Variants in RGS6 observed in about 807,000 individuals in gnomAD.
RGS6 encodes regulator of G-protein signaling 6.
A neutral mutation model predicts 78.5 loss-of-function variants in RGS6; 30 were observed. That is an observed-to-expected ratio of 0.38 (90% CI 0.29 to 0.52). RGS6 has a LOEUF of 0.52. Ranked by LOEUF, RGS6 falls within the 20% of genes least tolerant of loss-of-function variation. RGS6 has a pLI of 0.85. For synonymous variants in RGS6, 206 were observed against 206.0 expected (o/e 1.00, Z 0.00); for missense variants, 495 against 609.7 (o/e 0.81, Z 1.98).
the RGS6 span, among the ~76,000 whole-genome samples, chr14:71,872,867 C>T: frequency 6.6e-6 from 1 of 152,188 alleles, no homozygotes; most frequent in Non-Finnish European, 1.5e-5. Context: ...GTTCAATTCC[C>T]ACCTATGAGT....
intron 15 of RGS6, among the ~76,000 whole-genome samples, chr14:72,533,234 A>G (rs2097204438): frequency 6.6e-6 from 1 of 152,246 alleles, no homozygotes; most frequent in African/African-American, 2.4e-5. Context: ...TAAATGGACC[A>G]ACAAAGTCTG....
At chr14:72,172,728 T>C (rs182798976) in intron 2 of RGS6, among the ~76,000 whole-genome samples, 1 of 152,164 alleles carries the variant, frequency 6.6e-6, no homozygotes. Flanking sequence ...TGAGTGCCAA[T>C]TGTGTGCCAG....
chr14:72,388,864 TGGGA>T (rs1460960366), intron 3 of RGS6, among the ~76,000 whole-genome samples: 1 of 152,210 alleles, frequency 6.6e-6, no homozygotes, highest in African/African-American at 2.4e-5. Context: ...ATGTGGCTGT[TGGGA>T]GGATTAAATG....
In RGS6 at chr14:72,566,117, T is replaced by C. The variant is rs1171453488; in HGVS notation, c.*3650T>C. 13 of 152,068 alleles carry C rather than the reference T, an allele frequency of 8.5e-5. No individual in the cohort carries two copies. 9.4% of individuals were successfully genotyped at this position (152,068 alleles called of 1,614,324 possible). On this transcript the variant is annotated 3_prime_UTR_variant, in exon 18 of 18. Coordinates refer to ENST00000553525, the MANE Select transcript of RGS6 (RefSeq NM_001204424.2). Reference sequence around the variant, plus strand: ...AGAGAGGCCTGTGCTCGTGTAACCATAGCAACAGCAGATGCCAGCAACCTA... The same window carrying C: ...AGAGAGGCCTGTGCTCGTGTAACCACAGCAACAGCAGATGCCAGCAACCTA...
intron 2 of RGS6, among the ~76,000 whole-genome samples, chr14:72,191,146 T>C (rs2097319062): frequency 6.6e-6 from 1 of 152,230 alleles, no homozygotes; most frequent in Non-Finnish European, 1.5e-5. Context: ...CCTTTACAGC[T>C]TCCCAAGAGT....
At chr14:72,553,829 G>T (rs778381255) in intron 17 of RGS6, among the ~76,000 whole-genome samples, 1 of 152,136 alleles carries the variant, frequency 6.6e-6, no homozygotes, top group Non-Finnish European at 1.5e-5. Flanking sequence ...TGCAGGAAAC[G>T]TAGCAATCTC....
At chr14:72,413,400 T>C (rs1441275238) in intron 3 of RGS6, among the ~76,000 whole-genome samples, 2 of 152,212 alleles carry the variant, frequency 1.3e-5, no homozygotes, top group South Asian at 4.1e-4. Context: ...CCCCTGCCTT[T>C]TTTTGTTTTC....
the RGS6 span, among the ~76,000 whole-genome samples, chr14:72,622,119 T>G: frequency 6.6e-6 from 1 of 152,204 alleles, no homozygotes; most frequent in Non-Finnish European, 1.5e-5. Flanking sequence ...ATGAACCCCT[T>G]GAAATGATAC....
chr14:72,307,231 A>T (rs1461410453), intron 2 of RGS6, among the ~76,000 whole-genome samples: 1 of 141,926 alleles, frequency 7.0e-6, no homozygotes, highest in Non-Finnish European at 1.5e-5. Flanking sequence ...ATGCTATTGC[A>T]CACTCAATCA....
the RGS6 span, among the ~76,000 whole-genome samples, chr14:72,626,911 T>C: frequency 1.3e-5 from 2 of 151,814 alleles, no homozygotes; most frequent in East Asian, 1.9e-4. Context: ...AGTTTCTTTG[T>C]GAGTGCATTT....
the RGS6 span, among the ~76,000 whole-genome samples, chr14:72,592,328 A>G: frequency 6.6e-6 from 1 of 152,254 alleles, no homozygotes; most frequent in Non-Finnish European, 1.5e-5. Context: ...TCAACAAGAA[A>G]TACATGGCAT....
At chr14:71,905,283 T>C in the RGS6 span, among the ~76,000 whole-genome samples, 1 of 152,252 alleles carries the variant, frequency 6.6e-6, no homozygotes, top group East Asian at 1.9e-4. Context: ...ATTTCCCAGA[T>C]GAACGACCTT....
At chr14:71,897,243 A>G in the RGS6 span, among the ~76,000 whole-genome samples, 1 of 152,180 alleles carries the variant, frequency 6.6e-6, no homozygotes, top group South Asian at 2.1e-4. Context: ...TGAAGTGGGG[A>G]GAGTATGGGT....
the RGS6 span, among the ~76,000 whole-genome samples, chr14:72,576,870 G>T: frequency 6.6e-6 from 1 of 152,198 alleles, no homozygotes; most frequent in Admixed American, 6.5e-5. Flanking sequence ...TTCTGCATCT[G>T]GGCTCCAGTT....
chr14:72,280,026 G>C (rs1204876961), intron 2 of RGS6, among the ~76,000 whole-genome samples: 2 of 152,144 alleles, frequency 1.3e-5, no homozygotes, highest in Non-Finnish European at 2.9e-5. Flanking sequence ...TACTGTGTTT[G>C]ATGCACATAA....
intron 2 of RGS6, among the ~76,000 whole-genome samples, chr14:72,042,009 G>T (rs1274171683): frequency 6.6e-6 from 1 of 151,964 alleles, no homozygotes; most frequent in Non-Finnish European, 1.5e-5. Flanking sequence ...ATAGAGATTA[G>T]AGTAACATAT....
chr14:72,463,554 C>A (rs952451378), intron 6 of RGS6, among the ~76,000 whole-genome samples: 35 of 152,216 alleles, frequency 2.3e-4, no homozygotes, highest in African/African-American at 8.0e-4. Flanking sequence ...CCCCGCTGTC[C>A]CATTTTGACC....
intron 12 of RGS6, among the ~76,000 whole-genome samples, chr14:72,486,382 G>A (rs1160472208): frequency 1.3e-5 from 2 of 152,148 alleles, no homozygotes; most frequent in Non-Finnish European, 2.9e-5. Flanking sequence ...ACCATGGCCA[G>A]GAGCAGGGCT....
At chr14:72,326,774 T>C (rs948443457) in intron 2 of RGS6, among the ~76,000 whole-genome samples, 3 of 152,206 alleles carry the variant, frequency 2.0e-5, no homozygotes, top group African/African-American at 7.2e-5. Flanking sequence ...GTGATCTTGG[T>C]TCGGCTCACT....
Sources: allele counts gnomAD v4.1 joint callset (sites outside exome capture counted in the v4.1 genomes callset), GRCh38; gene constraint gnomAD v4.1.1; transcripts MANE v1.5; gene names NCBI Gene and HGNC (gene_info 2026-07-23, HGNC 2026-07-21).